The following CCDC7 variants were observed in gnomAD, a reference collection of about 807,000 sequenced individuals.
CCDC7 encodes the protein coiled-coil domain containing 7.
In CCDC7, 183 loss-of-function variants were observed where a neutral mutation model predicts 196.9. The observed-to-expected ratio is 0.93, with a 90% confidence interval of 0.82 to 1.05. The LOEUF is 1.05. Ranked by LOEUF, CCDC7 falls within the 50% of genes least tolerant of loss-of-function variation. The pLI, the probability that CCDC7 is intolerant of heterozygous loss-of-function variation, is 0.00. For synonymous variants in CCDC7, 525 were observed against 484.6 expected, an observed-to-expected ratio of 1.08 and a Z score of -1.10; for missense variants, 1,540 against 1,482.2, an observed-to-expected ratio of 1.04 and a Z score of -0.64.
chr10:32,708,066 A>C (rs902445369), intron 24 of CCDC7, among the ~76,000 whole-genome samples: 6 of 152,298 alleles, frequency 3.9e-5, no homozygotes, highest in African/African-American at 7.2e-5. Context: ...ACCTGACTTC[A>C]AACTATACTA....
At chr10:32,677,033 C>T (rs565889660) in intron 21 of CCDC7, among the ~76,000 whole-genome samples, 62 of 151,334 alleles carry the variant, frequency 4.1e-4, no homozygotes, top group African/African-American at 1.4e-3. Context: ...TACTATGCAG[C>T]CATAAAAAAT....
intron 41 of CCDC7, among the ~76,000 whole-genome samples, chr10:32,872,710 A>G (rs2094472216): frequency 6.6e-6 from 1 of 151,922 alleles, no homozygotes; most frequent in African/African-American, 2.4e-5. Context: ...TGCTTCCTTC[A>G]GGAGCTCTTT....
intron 18 of CCDC7, among the ~76,000 whole-genome samples, chr10:32,601,479 C>T (rs2060995182): frequency 1.3e-5 from 2 of 152,196 alleles, no homozygotes; most frequent in South Asian, 2.1e-4. Context: ...TTGTGTTTTA[C>T]GTTTTTGTGG....
chr10:32,779,734 G>C (rs1312895587), intron 29 of CCDC7, among the ~76,000 whole-genome samples: 2 of 152,150 alleles, frequency 1.3e-5, no homozygotes, highest in East Asian at 3.9e-4. Context: ...GTTGAAAAAA[G>C]TTAGAATAAT....
At chr10:32,648,589 A>G (rs1448649454) in intron 20 of CCDC7, among the ~76,000 whole-genome samples, 1 of 152,184 alleles carries the variant, frequency 6.6e-6, no homozygotes, top group African/African-American at 2.4e-5. Flanking sequence ...GAATCACCAC[A>G]CTGTCTTCCA....
intron 15 of CCDC7, among the ~76,000 whole-genome samples, chr10:32,568,690 T>G (rs1294403368): frequency 2.0e-5 from 3 of 152,218 alleles, no homozygotes; most frequent in Non-Finnish European, 1.5e-5. Context: ...GCTAGTCATT[T>G]TATATCTGCC....
At chr10:32,611,245 TTTGCCCACTTTTTGA>T (rs2062096270) in intron 18 of CCDC7, among the ~76,000 whole-genome samples, 1 of 152,266 alleles carries the variant, frequency 6.6e-6, no homozygotes, top group South Asian at 2.1e-4. Flanking sequence ...GTTCATATCC[TTTGCCCACTTTTTGA>T]TGGGGTTGTT....
chr10:32,683,464 T>C (rs2076087083), intron 21 of CCDC7, among the ~76,000 whole-genome samples: 1 of 152,204 alleles, frequency 6.6e-6, no homozygotes, highest in Non-Finnish European at 1.5e-5. Context: ...GAAGATTGCT[T>C]TGGCTATTTG....
chr10:32,869,396 A>G (rs1478034286), intron 41 of CCDC7, among the ~76,000 whole-genome samples: 3 of 151,834 alleles, frequency 2.0e-5, no homozygotes, highest in Non-Finnish European at 1.5e-5. Flanking sequence ...CATATCCTTC[A>G]CCCACTTTTT....
chr10:32,615,791 A>AT (rs1725885004), intron 18 of CCDC7, among the ~76,000 whole-genome samples: 1 of 152,038 alleles, frequency 6.6e-6, no homozygotes, highest in African/African-American at 2.4e-5. Flanking sequence ...CTTCTAGGAT[A>AT]TTTATAATGT....
intron 29 of CCDC7, among the ~76,000 whole-genome samples, chr10:32,798,423 C>T (rs552749466): frequency 3.9e-5 from 6 of 152,324 alleles, no homozygotes; most frequent in East Asian, 1.9e-4. Context: ...CAATGACAGG[C>T]GTGGCTGAGG....
chr10:32,809,841 C>T (rs1254744083), intron 30 of CCDC7, among the ~76,000 whole-genome samples: 1 of 152,182 alleles, frequency 6.6e-6, no homozygotes, highest in African/African-American at 2.4e-5. Flanking sequence ...GGATCTAGAA[C>T]TAGAAATACC....
chr10:32,841,982 T>G (rs1028854780), intron 33 of CCDC7, among the ~76,000 whole-genome samples: 1 of 151,914 alleles, frequency 6.6e-6, no homozygotes, highest in African/African-American at 2.4e-5. Flanking sequence ...ATCTAAGTCT[T>G]GAAATCATAA....
chr10:32,581,162 A>C (rs1347696017), intron 16 of CCDC7, among the ~76,000 whole-genome samples: 3 of 152,164 alleles, frequency 2.0e-5, no homozygotes, highest in Non-Finnish European at 4.4e-5. Context: ...ATATGCTTAT[A>C]TAAAAGCTGC....
chr10:32,729,610 A>G (rs1393522175), intron 28 of CCDC7, among the ~76,000 whole-genome samples, 153 bp downstream of exon 29: 2 of 152,022 alleles, frequency 1.3e-5, no homozygotes, highest in Non-Finnish European at 2.9e-5. Flanking sequence ...TTTCTTTTAT[A>G]ATTACTCAGT....
chr10:32,700,018 G>A (rs2078402843), intron 24 of CCDC7, among the ~76,000 whole-genome samples: 1 of 149,480 alleles, frequency 6.7e-6, no homozygotes, highest in African/African-American at 2.6e-5. Context: ...TGTTCACTCT[G>A]ATGGTAGTTT....
chr10:32,464,551 C>T (rs762660647), intron 5 of CCDC7, among the ~76,000 whole-genome samples: 27 of 152,068 alleles, frequency 1.8e-4, no homozygotes, highest in Middle Eastern at 6.8e-3. Flanking sequence ...TTCTGGTTGC[C>T]CTGGCTGGAC....
chr10:32,540,105 C>G (rs948815555), intron 11 of CCDC7, among the ~76,000 whole-genome samples: 7 of 151,798 alleles, frequency 4.6e-5, no homozygotes, highest in African/African-American at 1.7e-4. Flanking sequence ...GTGGGGACTT[C>G]TGTTTAATAG....
At chr10:32,661,583 G>A (rs1040809784) in intron 20 of CCDC7, among the ~76,000 whole-genome samples, 5 of 152,022 alleles carry the variant, frequency 3.3e-5, no homozygotes, top group Admixed American at 3.3e-4. Context: ...GGGCTCTTTA[G>A]TCAGCAGGTG....
Sources: gnomAD v4.1 joint callset for allele counts (sites outside exome capture counted in the v4.1 genomes callset) on GRCh38, gnomAD v4.1.1 for gene constraint, MANE v1.5 for transcripts, NCBI Gene and HGNC (gene_info 2026-07-23, HGNC 2026-07-21) for gene names.